Variants in PPFIA4 observed in about 807,000 individuals in gnomAD.
PPFIA4 encodes PPFI scaffold protein A4.
In PPFIA4, 98 loss-of-function variants were observed where a neutral mutation model predicts 145.7. The observed-to-expected ratio is 0.67, with a 90% CI of 0.57 to 0.80. The LOEUF (loss-of-function observed/expected upper bound fraction) is 0.80, where lower values mean the gene tolerates loss of function less well. Ranked by LOEUF, PPFIA4 falls within the 30% of genes least tolerant of loss-of-function variation. PPFIA4 has a pLI of 0.00. For synonymous variants in PPFIA4, 628 were observed against 649.6 expected, an observed-to-expected ratio of 0.97 and a Z score of 0.51; for missense variants, 1,457 against 1,632.7, an observed-to-expected ratio of 0.89 and a Z score of 1.85.
rs749347095 is a variant in PPFIA4, at chr1:203,045,376, G to A, written c.675G>A (p.Thr225=). ...LGPKRLWKED[T]GRVEELQELL... ...TGTCCCTATCCCTGGAGGAGGATAC[G>A]GGCCGGGTAGAGGAGCTGCAGGAGC... Residue 225 remains threonine, a synonymous_variant, in exon 7 of 30, where the codon ACG becomes ACA. Coordinates refer to ENST00000295706, the MANE Select transcript of PPFIA4 (RefSeq NM_001304331.2). 3.8e-6 allele frequency: 6 copies of A among 1,597,388 alleles called. No individual in the cohort carries two copies. The highest frequency in any genetic ancestry group is 2.2e-5 in the East Asian group (1 of 44,476).
In PPFIA4 at chr1:203,056,929, C is replaced by T. The variant is rs749614169; in HGVS notation, c.2386C>T (p.Arg796Trp). The change falls in exon 19 of 30, where the codon CGG (arginine) becomes TGG (tryptophan). Residue 796 changes from arginine (R) to tryptophan (W), a missense_variant. By Grantham distance (101) the Arg-to-Trp change is moderately radical (BLOSUM62 -3). Coordinates refer to ENST00000295706, the MANE Select transcript of PPFIA4 (RefSeq NM_001304331.2). ...KEKGRLIQLS[R>W]DGATGHVLLT... Reference sequence around the variant, plus strand: ...GAAGGGCAGGCTGATCCAGCTGAGTCGGGATGGAGCCACAGGCCATGGTCT... The same window carrying T: ...GAAGGGCAGGCTGATCCAGCTGAGTTGGGATGGAGCCACAGGCCATGGTCT... 6 of 1,613,918 alleles carry T rather than the reference C, an allele frequency of 3.7e-6. No homozygotes were observed. Among genetic ancestry groups the T allele is most frequent in the Admixed American group, 3.3e-5 (2 of 60,014 alleles).
At chr1:203,049,104 C>T in intron 12 of PPFIA4, 124 bp downstream of exon 12, 1 of 876,604 alleles carries the variant, frequency 1.1e-6, no homozygotes, top group Non-Finnish European at 1.8e-6. Flanking sequence ...TAGTGCACTA[C>T]ATACATTATT....
At chr1:203,076,079 A>G in intron 29 of PPFIA4, 1 of 588,702 alleles carries the variant, frequency 1.7e-6, no homozygotes, top group Non-Finnish European at 3.0e-6. Context: ...GGCTCGGGGT[A>G]AGTGGGCCAG....
intron 1 of PPFIA4, among the ~76,000 whole-genome samples, chr1:203,030,350 G>A (rs1287506534): frequency 6.6e-6 from 1 of 152,200 alleles, no homozygotes; most frequent in African/African-American, 2.4e-5. Flanking sequence ...GCCTAGAGGA[G>A]CGCTGCTGGG....
In PPFIA4 at chr1:203,048,791, C is replaced by A; in HGVS notation, c.1356+77C>A. 6.5e-7 allele frequency: 1 copy of A among 1,537,746 alleles called. No homozygotes were observed. The highest frequency in any genetic ancestry group is 8.8e-7 in the Non-Finnish European group (1 of 1,139,562). On this transcript the variant is annotated intron_variant, in intron 11 of 29. Coordinates refer to ENST00000295706, the MANE Select transcript of PPFIA4 (RefSeq NM_001304331.2). The surrounding 1 kb of genome is among the most constrained non-coding windows in gnomAD (Gnocchi z 5.8). The stretch of plus-strand genomic sequence containing the variant: ...CGGGGGGAGGCGGGACTGTGATGGG[C>A]GCAGGCGGGGTCTCAATGGGGTGGG...
chr1:203,056,464 A>G lies in PPFIA4; in HGVS notation c.2196A>G (p.Leu732=). ...CTTCCTCACCCAGGACGCTGCGGCT[A>G]GAGAAGCTTGGCCACCCAGCCCTGA... ...SPPSSPRTLR[L]EKLGHPALSQ... The change falls in exon 18 of 30, where the codon CTA becomes CTG. Residue 732 remains leucine (L), a synonymous_variant. Transcript: ENST00000295706. 3.7e-6 allele frequency: 6 copies of G among 1,614,020 alleles called. No individual in the cohort carries two copies. The highest frequency in any genetic ancestry group is 5.1e-6 in the Non-Finnish European group (6 of 1,179,892).
intron 1 of PPFIA4, chr1:203,035,522 C>T (rs1342771312): frequency 2.2e-6 from 1 of 456,294 alleles, no homozygotes; most frequent in Non-Finnish European, 4.4e-6. Context: ...CACACTCACA[C>T]CCACTCACTC....
At chr1:203,065,637 A>G (rs189228467) in intron 25 of PPFIA4, among the ~76,000 whole-genome samples, 118 of 152,280 alleles carry the variant, frequency 7.7e-4, no homozygotes, top group African/African-American at 2.6e-3. Flanking sequence ...CCGCCAAACT[A>G]TGTGTCTACC....
At position 203,048,644 on chromosome 1, in the gene PPFIA4, G is replaced by A. The variant is rs750315585; in HGVS notation, c.1286G>A (p.Arg429Gln). 55 of 1,605,352 alleles carry A rather than the reference G, an allele frequency of 3.4e-5. No homozygotes were observed. Among genetic ancestry groups the A allele is most frequent in the Admixed American group, 1.4e-4 (8 of 59,126 alleles). ...HNKRLSDTVD[R>Q]LLSESNERLQ... ...AAGCGGCTGTCGGACACAGTGGACC[G>A]GCTGCTCAGCGAGTCCAACGAGCGT... The change falls in exon 11 of 30, where the codon CGG (arginine) becomes CAG (glutamine). Residue 429 changes from arginine (R) to glutamine (Q), a missense_variant. Coordinates refer to ENST00000295706, the MANE Select transcript of PPFIA4 (RefSeq NM_001304331.2). The surrounding 1 kb of genome is among the most constrained non-coding windows in gnomAD (Gnocchi z 5.8).
At chr1:203,032,430 TTTG>T (rs1424294542) in intron 1 of PPFIA4, among the ~76,000 whole-genome samples, 1 of 139,446 alleles carries the variant, frequency 7.2e-6, no homozygotes, top group Non-Finnish European at 1.5e-5. Context: ...TCCCCGCTTT[TTTG>T]TTGTTGTTGT....
In PPFIA4 at chr1:203,048,761, T is replaced by TGGGGTGG; in HGVS notation, c.1356+51_1356+52insTGGGGGG. The TGGGGTGG allele has an allele frequency of 2.5e-6, 2 of 791,620 alleles. No homozygotes were observed. The highest frequency in any genetic ancestry group is 1.1e-4 in the Admixed American group (2 of 17,832). 49.0% of individuals were successfully genotyped at this position (791,620 alleles called of 1,614,324 possible). A position where few individuals can be genotyped will look rare whatever the true frequency, so the allele number is the denominator to read the frequency against. ...GGATGCGAGAGGTTAGTGCTGGGTG[T>TGGGGTGG]GGGGCGGGGGGAGGCGGGACTGTGA... On this transcript the variant is annotated intron_variant, in intron 11 of 29. Coordinates refer to ENST00000295706, the MANE Select transcript of PPFIA4 (RefSeq NM_001304331.2). This position sits in a 1 kb window ranked among gnomAD's most constrained non-coding sequence, Gnocchi z 5.8.
intron 27 of PPFIA4, among the ~76,000 whole-genome samples, chr1:203,071,326 C>T (rs1662143077): frequency 6.6e-6 from 1 of 151,952 alleles, no homozygotes; most frequent in African/African-American, 2.4e-5. Context: ...CCTGCCACAC[C>T]ATGCCTGGCT....
chr1:203,046,542 C>A, intron 9 of PPFIA4, 160 bp downstream of exon 9: 1 of 788,292 alleles, frequency 1.3e-6, no homozygotes, highest in Non-Finnish European at 2.0e-6. Flanking sequence ...TTGTGCCTGT[C>A]AGTTGGAAGA....
At chr1:203,030,308 C>T (rs1195901644) in intron 1 of PPFIA4, among the ~76,000 whole-genome samples, 1 of 151,954 alleles carries the variant, frequency 6.6e-6, no homozygotes, top group Admixed American at 6.6e-5. Context: ...GAGAGGGCCT[C>T]AGCAGCTGCT....
chr1:203,045,316 G>C, intron 6 of PPFIA4, 52 bp from the exon 7 acceptor site: 1 of 1,460,704 alleles, frequency 6.8e-7, no homozygotes, highest in Non-Finnish European at 9.2e-7. Context: ...AGGGGAGTGG[G>C]GTGGGTGGGA....
intron 1 of PPFIA4, among the ~76,000 whole-genome samples, chr1:203,034,139 C>G (rs1205464696): frequency 1.3e-5 from 2 of 152,182 alleles, no homozygotes; most frequent in East Asian, 3.8e-4. Context: ...GGGCAGATCT[C>G]ACACACTGGA....
Position 203,075,176 on chromosome 1 carries a change from A to G in PPFIA4, c.3394-401A>G, listed in dbSNP as rs2102701769. On this transcript the variant is annotated intron_variant, in intron 28 of 29. Coordinates refer to ENST00000295706, the MANE Select transcript of PPFIA4 (RefSeq NM_001304331.2). This position sits in a 1 kb window ranked among gnomAD's most constrained non-coding sequence, Gnocchi z 4.1. Reference sequence around the variant, plus strand: ...ACAGCCATTCGGAGGCCCCAGAAGGACAGGACAGTGTGTATAGGGACCGGC... The same window carrying G: ...ACAGCCATTCGGAGGCCCCAGAAGGGCAGGACAGTGTGTATAGGGACCGGC... 6.6e-6 allele frequency among the ~76,000 whole-genome samples: 1 copy of G among 152,200 alleles called. No individual in the cohort carries two copies. Among genetic ancestry groups the G allele is most frequent in the South Asian group, 2.1e-4 (1 of 4,816 alleles).
Position 203,051,829 on chromosome 1 carries a change from C to T in PPFIA4, c.1572C>T (p.Pro524=). Reference sequence around the variant, plus strand: ...CCCTGGGCACAACCACACACGCACCCCCAGGCGTGCATCGCCGCTACTCGG... The same window carrying T: ...CCCTGGGCACAACCACACACGCACCTCCAGGCGTGCATCGCCGCTACTCGG... ...RFSLGTTTHA[P]PGVHRRYSAL... is the part of the protein sequence containing the mutation. Residue 524 remains proline, a synonymous_variant, in exon 14 of 30, where the codon CCC becomes CCT. Transcript: ENST00000295706. 6.2e-7 allele frequency: 1 copy of T among 1,613,880 alleles called. No individual in the cohort carries two copies. Among genetic ancestry groups the T allele is most frequent in the African/African-American group, 1.3e-5 (1 of 75,062 alleles).
chr1:203,031,414 T>C (rs1658817559), intron 1 of PPFIA4, among the ~76,000 whole-genome samples: 1 of 152,162 alleles, frequency 6.6e-6, no homozygotes, highest in Admixed American at 6.5e-5. Flanking sequence ...TACCATGCGT[T>C]CTCATGATCA....
Sources: gnomAD v4.1 joint callset for allele counts (sites outside exome capture counted in the v4.1 genomes callset) on GRCh38, gnomAD v4.1.1 for gene constraint, Gnocchi (gnomAD v3.1) non-coding constraint, MANE v1.5 for transcripts, NCBI Gene and HGNC (gene_info 2026-07-23, HGNC 2026-07-21) for gene names.